Variants in SBNO2 observed in about 807,000 individuals in gnomAD.
SBNO2 encodes the protein strawberry notch homolog 2.
A neutral mutation model predicts 146.3 loss-of-function variants in SBNO2; 89 were observed. The observed-to-expected ratio is 0.61, with a 90% CI of 0.51 to 0.73. The LOEUF (loss-of-function observed/expected upper bound fraction) is 0.73. SBNO2 is among the 30% of genes least tolerant of loss of function. SBNO2 has a pLI of 0.00. For synonymous variants in SBNO2, 1,147 were observed against 892.6 expected, an observed-to-expected ratio of 1.29 and a Z score of -5.08; for missense variants, 2,092 against 2,003.7, an observed-to-expected ratio of 1.04 and a Z score of -0.84.
At chr19:1,117,273 G>A (rs773971992) in intron 15 of SBNO2, 50 bp downstream of exon 15, 18 of 1,502,598 alleles carry the variant, frequency 1.2e-5, no homozygotes, top group Admixed American at 4.3e-5. Context: ...AGCAGCCTCC[G>A]CCCCTGCAGG....
intron 4 of SBNO2, among the ~76,000 whole-genome samples, chr19:1,143,066 A>G (rs371908514): frequency 1.3e-5 from 2 of 152,178 alleles, no homozygotes; most frequent in South Asian, 2.1e-4. Context: ...CAATCCCTCC[A>G]GGTTTATACA....
rs1226004761 is a variant in SBNO2 at position 1,112,288 on chromosome 19, C to T, written c.2529G>A (p.Arg843=). The T allele has an allele frequency of 1.3e-6, 2 of 1,585,304 alleles. No homozygotes were observed. The highest frequency in any genetic ancestry group is 2.3e-5 in the South Asian group (2 of 87,502). ...RAIQQFGRTH[R]SNQVSAPEYV... The stretch of plus-strand genomic sequence containing the variant: ...ACTCTGGCGCGGAGACCTGGTTGGA[C>T]CGGTGGGTGCGGCCTGGGGGCAGAG... The change falls in exon 22 of 32, where the codon CGG becomes CGA. Residue 843 remains arginine (R), a synonymous_variant. Transcript: ENST00000361757. The surrounding 1 kb of genome is among the most constrained non-coding windows in gnomAD (Gnocchi z 5.9).
At position 1,144,650 on chromosome 19, in the gene SBNO2, A is replaced by G; in HGVS notation, c.279+2659T>C. Among the ~76,000 whole-genome samples, 1 of 151,974 alleles carries G rather than the reference A, an allele frequency of 6.6e-6. No homozygotes were observed. The highest frequency in any genetic ancestry group is 1.9e-4 in the East Asian group (1 of 5,176). On this transcript the variant is annotated intron_variant, in intron 4 of 31. Coordinates refer to ENST00000361757, the MANE Select transcript of SBNO2 (RefSeq NM_014963.3). This position sits in a 1 kb window ranked among gnomAD's most constrained non-coding sequence, Gnocchi z 4.1. ...GACGAAGACAGAGAGGGCGACAGAG[A>G]CAGAGGCAGAGAGGGAAACAGACGA...
At position 1,116,899 on chromosome 19, in the gene SBNO2, C is replaced by T; in HGVS notation, c.1732G>A (p.Gly578Ser). The T allele has an allele frequency of 6.4e-7, 1 of 1,568,710 alleles. No individual in the cohort carries two copies. Reference protein sequence around the residue: ...KCVVIGLQSTGEARTREVLGE... With the variant: ...KCVVIGLQSTSEARTREVLGE... ...AGCACCTCCCGCGTGCGCGCCTCGC[C>T]CGTGGACTGCAGCCCGATGACCACG... is the stretch of plus-strand genomic sequence containing the variant. Residue 578 changes from glycine to serine, a missense_variant, in exon 16 of 32, where the codon GGC (glycine) becomes AGC (serine). Gly to Ser is a moderately conservative substitution (Grantham distance 56). Coordinates refer to ENST00000361757, the MANE Select transcript of SBNO2 (RefSeq NM_014963.3).
chr19:1,141,813 G>C (rs958361048), intron 4 of SBNO2, among the ~76,000 whole-genome samples: 31 of 151,964 alleles, frequency 2.0e-4, no homozygotes, highest in Non-Finnish European at 4.3e-4. Flanking sequence ...TATACAGATA[G>C]GGTCTCACTA....
chr19:1,122,283 C>A lies in SBNO2; in HGVS notation c.1006-1G>T. 1 of 1,559,390 alleles carries A rather than the reference C, an allele frequency of 6.4e-7. No homozygotes were observed. The highest frequency in any genetic ancestry group is 8.7e-7 in the Non-Finnish European group (1 of 1,151,588). ...AGGTAGTGGTGTCACCGTACTTGAT[C>A]TGGGGATGCACAGAACAGGTGTGGA... On this transcript the variant is annotated splice_acceptor_variant, in intron 10 of 31. Coordinates refer to ENST00000361757, the MANE Select transcript of SBNO2 (RefSeq NM_014963.3). LOFTEE classifies it high-confidence loss of function.
intron 11 of SBNO2, among the ~76,000 whole-genome samples, 192 bp downstream of exon 11, chr19:1,121,947 G>C (rs1288544317): frequency 6.6e-6 from 1 of 152,082 alleles, no homozygotes; most frequent in East Asian, 1.9e-4. Flanking sequence ...CTGGGGGCTG[G>C]GTGGCCACAT....
rs765239064 is a variant in SBNO2, at chr19:1,109,640, C to T, written c.3124-42G>A. Reference sequence around the variant, plus strand: ...TGGGGGGGTGTGAGTGTGGTGGGGGCGGGGTGGGCAGAGTGTGAGGGGCTG... The same window carrying T: ...TGGGGGGGTGTGAGTGTGGTGGGGGTGGGGTGGGCAGAGTGTGAGGGGCTG... On this transcript the variant is annotated intron_variant, in intron 27 of 31. Transcript: ENST00000361757. This position sits in a 1 kb window ranked among gnomAD's most constrained non-coding sequence, Gnocchi z 4.2. 4.9e-5 allele frequency: 42 copies of T among 857,260 alleles called. No homozygotes were observed. The highest frequency in any genetic ancestry group is 7.3e-5 in the Non-Finnish European group (41 of 564,674). The allele number at this position is 857,260 out of a possible 1,614,324, so 53.1% of individuals were successfully genotyped here. A position where few individuals can be genotyped will look rare whatever the true frequency, so the allele number is the denominator to read the frequency against.
chr19:1,172,293 A>G (rs997220304), intron 1 of SBNO2, among the ~76,000 whole-genome samples: 1 of 151,672 alleles, frequency 6.6e-6, no homozygotes, highest in Non-Finnish European at 1.5e-5. Flanking sequence ...TCTCCATCCC[A>G]CCCACCAAGG....
chr19:1,141,522 T>C (rs1245178251), intron 4 of SBNO2, among the ~76,000 whole-genome samples: 2 of 151,602 alleles, frequency 1.3e-5, no homozygotes, highest in Non-Finnish European at 2.9e-5. Context: ...CCTGTAAATC[T>C]AATTTTTAAT....
chr19:1,160,547 C>T, intron 1 of SBNO2, among the ~76,000 whole-genome samples: 1 of 152,234 alleles, frequency 6.6e-6, no homozygotes, highest in Non-Finnish European at 1.5e-5. Flanking sequence ...CTCGTCCCTG[C>T]AGCCTTCGCC....
At position 1,108,226 on chromosome 19, in the gene SBNO2, A is replaced by C; in HGVS notation, c.4095T>G (p.Pro1365=). Residue 1365 remains proline (P), a synonymous_variant, in exon 32 of 32, where the codon CCT becomes CCG. Coordinates refer to ENST00000361757, the MANE Select transcript of SBNO2 (RefSeq NM_014963.3). ...TGTTTCGCCTAAAGGCGTGTCAGAG[A>C]GGAGCCTGGGCGCCGGGGAAGGGTG... ...FSPPFPGAQA[P]L 2.0e-6 allele frequency: 3 copies of C among 1,527,024 alleles called. No individual in the cohort carries two copies. Among genetic ancestry groups the C allele is most frequent in the Non-Finnish European group, 2.6e-6 (3 of 1,134,974 alleles). The allele number at this position is 1,527,024 out of a possible 1,614,324, so 94.6% of individuals were successfully genotyped here.
In SBNO2 at chr19:1,108,976, ACGAGACGGGT is replaced by A; in HGVS notation, c.3426-17_3426-8del. 6.6e-7 allele frequency: 1 copy of A among 1,517,986 alleles called. No individual in the cohort carries two copies. Among genetic ancestry groups the A allele is most frequent in the Non-Finnish European group, 8.8e-7 (1 of 1,137,542 alleles). The allele number at this position is 1,517,986 out of a possible 1,614,324, so 94.0% of individuals were successfully genotyped here. A position where few individuals can be genotyped will look rare whatever the true frequency, so the allele number is the denominator to read the frequency against. ...CAGCCGGCAGTGCCGGTTCCTGCGGACGAGACGGGTCGTCTCGGCTCAGGCGGGTCCCAGG... is the reference window on the plus strand; with the variant it reads ...CAGCCGGCAGTGCCGGTTCCTGCGGACGTCTCGGCTCAGGCGGGTCCCAGG... On this transcript the variant is annotated splice_region_variant and splice_polypyrimidine_tract_variant and intron_variant, in intron 30 of 31. Coordinates refer to ENST00000361757, the MANE Select transcript of SBNO2 (RefSeq NM_014963.3).
At position 1,112,929 on chromosome 19, in the gene SBNO2, G is replaced by A. The variant is rs374380259; in HGVS notation, c.2268C>T (p.Arg756=). 2.3e-5 allele frequency: 36 copies of A among 1,564,736 alleles called. No homozygotes were observed. In the African/African-American group the frequency reaches 2.7e-4, roughly 12 times the overall value. Residue 756 remains arginine, a synonymous_variant, in exon 20 of 32, where the codon CGC becomes CGT. Transcript: ENST00000361757. The surrounding 1 kb of genome is among the most constrained non-coding windows in gnomAD (Gnocchi z 5.9). ...CCGTCCCGTCGGGCCTGGACACCAC[G>A]CGGCCTTTCCTGCCGGTCATCTGCA... ...RVAEMTGRKG[R]VVSRPDGTVA...
In SBNO2 at chr19:1,144,161, C is replaced by T. The variant is rs1404870019; in HGVS notation, c.279+3148G>A. Among the ~76,000 whole-genome samples the T allele has an allele frequency of 2.0e-5, 3 of 150,788 alleles. No homozygotes were observed. The highest frequency in any genetic ancestry group is 6.6e-5 in the Admixed American group (1 of 15,132). ...CCGTCCCGTCCCACACTTGGCACCG[C>T]GGGACCACGCATCCCGTCCCACACT... is the stretch of plus-strand genomic sequence containing the variant. On this transcript the variant is annotated intron_variant, in intron 4 of 31. Transcript: ENST00000361757. The surrounding 1 kb of genome is among the most constrained non-coding windows in gnomAD (Gnocchi z 4.1).
chr19:1,114,448 G>T, intron 17 of SBNO2, 26 bp from the exon 18 acceptor site: 2 of 1,487,522 alleles, frequency 1.3e-6, no homozygotes, highest in Non-Finnish European at 1.8e-6. Context: ...GGGTCACCGA[G>T]GGCCAGACCG....
chr19:1,120,654 A>G (rs1467655339), intron 11 of SBNO2, among the ~76,000 whole-genome samples: 1 of 150,924 alleles, frequency 6.6e-6, no homozygotes, highest in Admixed American at 6.6e-5. Context: ...TACAGGTGTG[A>G]GCCGTGCCCA....
In SBNO2 at chr19:1,158,901, G is replaced by A. The variant is rs116264430; in HGVS notation, c.-126-4499C>T. ...GCTGTGACCGCCGCCCCACAGCCGC[G>A]ACCCCACCTGCAGCCGTGACCCCAC... On this transcript the variant is annotated intron_variant, in intron 1 of 31. Coordinates refer to ENST00000361757, the MANE Select transcript of SBNO2 (RefSeq NM_014963.3). This position sits in a 1 kb window ranked among gnomAD's most constrained non-coding sequence, Gnocchi z 9.9. Among the ~76,000 whole-genome samples the A allele has an allele frequency of 0.013, 1,971 of 147,872 alleles. 17 individuals are homozygous for A. The highest frequency in any genetic ancestry group is 0.028 in the Middle Eastern group (8 of 290).
Position 1,157,590 on chromosome 19 carries a change from C to G in SBNO2, c.-126-3188G>C, listed in dbSNP as rs199972146. ...GGGGGTTGGGGGGGCGGGGGTCACACGGTTCCCACCTTGGGAGGGGGCCCG... is the reference window on the plus strand; with the variant it reads ...GGGGGTTGGGGGGGCGGGGGTCACAGGGTTCCCACCTTGGGAGGGGGCCCG... On this transcript the variant is annotated intron_variant, in intron 1 of 31. Transcript: ENST00000361757. This position sits in a 1 kb window ranked among gnomAD's most constrained non-coding sequence, Gnocchi z 6.8. 6.6e-6 allele frequency among the ~76,000 whole-genome samples: 1 copy of G among 152,168 alleles called. No homozygotes were observed. The highest frequency in any genetic ancestry group is 1.5e-5 in the Non-Finnish European group (1 of 68,024).
Sources: allele counts gnomAD v4.1 joint callset (sites outside exome capture counted in the v4.1 genomes callset), GRCh38; gene constraint gnomAD v4.1.1; non-coding constraint Gnocchi (gnomAD v3.1); transcripts MANE v1.5; gene names NCBI Gene and HGNC (gene_info 2026-07-23, HGNC 2026-07-21).